Variants in CEP63 observed in about 807,000 individuals in gnomAD.
The protein encoded by CEP63 is centrosomal protein 63.
CEP63 carries 84 observed loss-of-function variants against 89.1 expected under a neutral mutation model. The ratio of observed to expected loss-of-function variants is 0.94; its 90% CI spans 0.79 to 1.13. The LOEUF is 1.13. Among genes scored for constraint, CEP63 ranks in the 50% most tolerant of loss-of-function variants. The pLI, the probability that CEP63 is intolerant of heterozygous loss-of-function variation, is 0.00. For missense variants in CEP63, 838 were observed against 813.3 expected, an observed-to-expected ratio of 1.03 and a Z score of -0.37; for synonymous variants, 267 against 272.5, an observed-to-expected ratio of 0.98 and a Z score of 0.20.
At chr3:134,748,668 G>A in the CEP63 span, among the ~76,000 whole-genome samples, 91 of 152,318 alleles carry the variant, frequency 6.0e-4, no homozygotes, top group African/African-American at 2.0e-3. Context: ...GTATGCTGGT[G>A]TGTGTCCAGG....
the CEP63 span, among the ~76,000 whole-genome samples, chr3:134,725,781 C>T: frequency 1.3e-5 from 2 of 152,118 alleles, no homozygotes; most frequent in Non-Finnish European, 2.9e-5. Flanking sequence ...TGTCTCCTTC[C>T]AGCAGGCTTT....
At chr3:134,657,872 T>C in the CEP63 span, among the ~76,000 whole-genome samples, 1 of 152,300 alleles carries the variant, frequency 6.6e-6, no homozygotes, top group Non-Finnish European at 1.5e-5. Context: ...TGATAATTGA[T>C]ATATGGTAAC....
intron 6 of CEP63, among the ~76,000 whole-genome samples, chr3:134,544,269 A>G (rs1026790571): frequency 3.9e-5 from 6 of 152,344 alleles, no homozygotes; most frequent in Non-Finnish European, 5.9e-5. Context: ...ATTTATATTC[A>G]TCTTCAATGT....
At chr3:134,643,613 G>T in the CEP63 span, among the ~76,000 whole-genome samples, 8 of 152,230 alleles carry the variant, frequency 5.3e-5, no homozygotes, top group Admixed American at 3.3e-4. Context: ...CTTAGCAGGT[G>T]CCAGCACAGG....
chr3:134,763,242 C>G, the CEP63 span, among the ~76,000 whole-genome samples: 26,774 of 152,006 alleles, frequency 0.18, 2,821 homozygotes, highest in South Asian at 0.42. Flanking sequence ...CCCTCCACCC[C>G]ACAACAGGCC....
At chr3:134,698,409 G>T in the CEP63 span, among the ~76,000 whole-genome samples, 10 of 152,338 alleles carry the variant, frequency 6.6e-5, no homozygotes, top group South Asian at 6.2e-4. Flanking sequence ...CTGAGTGAAG[G>T]GGGGCGGGAT....
chr3:134,775,379 C>T, the CEP63 span, among the ~76,000 whole-genome samples: 2 of 152,178 alleles, frequency 1.3e-5, no homozygotes, highest in Non-Finnish European at 2.9e-5. Context: ...TTAGTGTCCC[C>T]TTCAGGTAAG....
chr3:134,549,280 T>A (rs1954286490), intron 10 of CEP63, 104 bp downstream of exon 10: 1 of 733,020 alleles, frequency 1.4e-6, no homozygotes, highest in African/African-American at 1.7e-5. Flanking sequence ...AAAATGTAGT[T>A]CAAGGGACCA....
At chr3:134,726,061 T>C in the CEP63 span, among the ~76,000 whole-genome samples, 1 of 152,218 alleles carries the variant, frequency 6.6e-6, no homozygotes, top group Non-Finnish European at 1.5e-5. Context: ...CCATAACAGA[T>C]TCAAAGGGTA....
At chr3:134,769,421 A>G in the CEP63 span, among the ~76,000 whole-genome samples, 1 of 152,232 alleles carries the variant, frequency 6.6e-6, no homozygotes, top group Non-Finnish European at 1.5e-5. Context: ...TTGGCCACAC[A>G]TTCAGGTCAC....
the CEP63 span, among the ~76,000 whole-genome samples, chr3:134,687,740 T>C: frequency 1.6e-4 from 25 of 152,060 alleles, no homozygotes; most frequent in Admixed American, 1.6e-3. Flanking sequence ...TAATCAGGCC[T>C]CAAAAAAGTT....
chr3:134,640,848 G>C, the CEP63 span, among the ~76,000 whole-genome samples: 1 of 152,114 alleles, frequency 6.6e-6, no homozygotes, highest in Admixed American at 6.5e-5. Flanking sequence ...TTATCACAAT[G>C]CCTCTTAAGG....
the CEP63 span, among the ~76,000 whole-genome samples, chr3:134,656,996 A>G: frequency 2.6e-5 from 4 of 152,224 alleles, no homozygotes; most frequent in African/African-American, 9.6e-5. Context: ...TGACTACAAC[A>G]TAGAGTATAA....
At chr3:134,628,906 A>G in the CEP63 span, among the ~76,000 whole-genome samples, 1 of 152,228 alleles carries the variant, frequency 6.6e-6, no homozygotes, top group African/African-American at 2.4e-5. Flanking sequence ...TGATGACTAC[A>G]GGACCAGACA....
chr3:134,607,938 G>C, the CEP63 span: 1 of 993,362 alleles, frequency 1.0e-6, no homozygotes, highest in African/African-American at 1.7e-5. Flanking sequence ...GGGGCTTACT[G>C]TGTCCCCGCC....
chr3:134,553,623 C>T (rs1164611895), intron 12 of CEP63: 1 of 151,984 alleles, frequency 6.6e-6, no homozygotes, highest in Admixed American at 6.6e-5. Context: ...TGATAATAAC[C>T]TTTAAAAACT....
the CEP63 span, among the ~76,000 whole-genome samples, chr3:134,688,379 T>G: frequency 1.3e-5 from 2 of 152,212 alleles, no homozygotes; most frequent in African/African-American, 2.4e-5. Flanking sequence ...GCCTTGAGCA[T>G]AGGCAGTACC....
the CEP63 span, among the ~76,000 whole-genome samples, chr3:134,635,240 T>C: frequency 2.6e-5 from 4 of 152,188 alleles, no homozygotes; most frequent in African/African-American, 9.6e-5. Context: ...CTCATGCCTG[T>C]AATCCCAGCA....
intron 2 of CEP63, among the ~76,000 whole-genome samples, chr3:134,499,703 T>C (rs963313831): frequency 6.6e-6 from 1 of 152,174 alleles, no homozygotes; most frequent in Non-Finnish European, 1.5e-5. Context: ...TGGGCTTGTA[T>C]GTATCCTATC....
Sources: allele counts gnomAD v4.1 joint callset (sites outside exome capture counted in the v4.1 genomes callset), GRCh38; gene constraint gnomAD v4.1.1; transcripts MANE v1.5; gene names NCBI Gene and HGNC (gene_info 2026-07-23, HGNC 2026-07-21).